PLEKHH1: variants seen among roughly 807,000 people sequenced by gnomAD.
The protein encoded by PLEKHH1 is pleckstrin homology, MyTH4 and FERM domain containing H1.
A neutral mutation model predicts 160.0 loss-of-function variants in PLEKHH1; 104 were observed. The observed-to-expected ratio is 0.65, with a 90% confidence interval of 0.55 to 0.76. PLEKHH1 has a LOEUF of 0.76. Ranked by LOEUF, PLEKHH1 falls within the 30% of genes least tolerant of loss-of-function variation. The pLI is 0.00. For synonymous variants in PLEKHH1, 619 were observed against 678.4 expected, an observed-to-expected ratio of 0.91 and a Z score of 1.36; for missense variants, 1,427 against 1,724.1, an observed-to-expected ratio of 0.83 and a Z score of 3.05.
chr14:67,562,099 G>A (rs751443016), intron 6 of PLEKHH1, 38 bp from the exon 7 acceptor site: 26 of 884,700 alleles, frequency 2.9e-5, no homozygotes, highest in Admixed American at 1.5e-4. Flanking sequence ...GCTGAGCTAC[G>A]GGAGCTCTCA....
chr14:67,558,020 C>G (rs1036697992), intron 4 of PLEKHH1, among the ~76,000 whole-genome samples: 17 of 152,228 alleles, frequency 1.1e-4, no homozygotes, highest in African/African-American at 4.1e-4. Flanking sequence ...CCAGGGTCTT[C>G]CCTTCTGAGC....
chr14:67,563,903 G>GT (rs71129836), intron 7 of PLEKHH1, among the ~76,000 whole-genome samples: 20 of 135,444 alleles, frequency 1.5e-4, no homozygotes, highest in South Asian at 4.8e-4. Flanking sequence ...CCGGCTAACT[G>GT]TTTTTTTTTT....
rs2035632501 is a variant in PLEKHH1 at position 67,576,591 on chromosome 14, C to G, written c.2461+88C>G. On this transcript the variant is annotated intron_variant, in intron 17 of 28. Coordinates refer to ENST00000329153, the MANE Select transcript of PLEKHH1 (RefSeq NM_020715.3). The surrounding 1 kb of genome is among the most constrained non-coding windows in gnomAD (Gnocchi z 4.0). ...AGATCCCAAAGAAAGCAGTGTTGTA[C>G]CCTGAAGCTGTTTTTAAAACATCTA... 2.9e-6 allele frequency: 2 copies of G among 683,364 alleles called. No individual in the cohort carries two copies. Among genetic ancestry groups the G allele is most frequent in the South Asian group, 1.8e-5 (1 of 57,036 alleles). 42.3% of individuals were successfully genotyped at this position (683,364 alleles called of 1,614,324 possible).
intron 7 of PLEKHH1, among the ~76,000 whole-genome samples, chr14:67,567,711 TG>T (rs1370596724): frequency 6.6e-6 from 1 of 152,042 alleles, no homozygotes; most frequent in Non-Finnish European, 1.5e-5. Context: ...CCCTCTGGGA[TG>T]ACACCCTGAT....
At chr14:67,581,881 A>G in intron 23 of PLEKHH1, 188 bp from the exon 24 acceptor site, 1 of 584,176 alleles carries the variant, frequency 1.7e-6, no homozygotes, top group Non-Finnish European at 3.0e-6. Context: ...GTATGAGATC[A>G]GCATGACCCT....
chr14:67,569,347 G>A (rs886935295), intron 8 of PLEKHH1, 131 bp downstream of exon 8: 1 of 620,950 alleles, frequency 1.6e-6, no homozygotes, highest in Admixed American at 3.0e-5. Flanking sequence ...TCCCCAGCAG[G>A]TGAAGTTCAG....
At chr14:67,548,095 C>T (rs1300731114) in intron 2 of PLEKHH1, among the ~76,000 whole-genome samples, 1 of 152,194 alleles carries the variant, frequency 6.6e-6, no homozygotes. Context: ...ACATCATTTT[C>T]CCTAGCTGTC....
chr14:67,562,663 T>G lies in PLEKHH1; in HGVS notation c.1032T>G (p.Arg344=). 1 of 1,612,654 alleles carries G rather than the reference T, an allele frequency of 6.2e-7. No homozygotes were observed. Among genetic ancestry groups the G allele is most frequent in the Non-Finnish European group, 8.5e-7 (1 of 1,179,388 alleles). ...QPQVGHGHFG[R]VVNIETEAFS... is the part of the protein sequence containing the mutation. ...AGGTGGGCCATGGGCACTTTGGCCGTGTGGTGAACATTGAGACTGAGGCCT... is the reference window on the plus strand; with the variant it reads ...AGGTGGGCCATGGGCACTTTGGCCGGGTGGTGAACATTGAGACTGAGGCCT... The change falls in exon 7 of 29, where the codon CGT becomes CGG. Residue 344 remains arginine, a synonymous_variant. Transcript: ENST00000329153.
chr14:67,542,324 T>A (rs2034002700), intron 2 of PLEKHH1, among the ~76,000 whole-genome samples: 1 of 152,148 alleles, frequency 6.6e-6, no homozygotes, highest in Admixed American at 6.6e-5. Context: ...AAGGACGGTG[T>A]TTCGGGAGAA....
chr14:67,556,006 C>CAA, intron 3 of PLEKHH1, 119 bp downstream of exon 3: 1 of 1,312,336 alleles, frequency 7.6e-7, no homozygotes, highest in Non-Finnish European at 1.1e-6. Flanking sequence ...TATACCTGAA[C>CAA]AAATGAGTGT....
chr14:67,586,846 A>G, intron 28 of PLEKHH1: 1 of 1,497,556 alleles, frequency 6.7e-7, no homozygotes, highest in Non-Finnish European at 8.9e-7. Context: ...TCCTTTTCTC[A>G]GAAGGGCACT....
chr14:67,585,703 G>A lies in PLEKHH1; in HGVS notation c.3786+49G>A, dbSNP rs765386990. On this transcript the variant is annotated intron_variant, in intron 27 of 28. Transcript: ENST00000329153. ...CCTGACCCCTCCTCTTCCTCAACAT[G>A]GTCTTTTCTTCTCCTCTGTGGACTC... The A allele has an allele frequency of 3.7e-6, 5 of 1,335,740 alleles. No homozygotes were observed. The South Asian group carries it at 5.1e-5, about 14-fold the overall frequency. The allele number at this position is 1,335,740 out of a possible 1,614,324, so 82.7% of individuals were successfully genotyped here. A position where few individuals can be genotyped will look rare whatever the true frequency, so the allele number is the denominator to read the frequency against.
Position 67,584,053 on chromosome 14 carries a change from G to A in PLEKHH1, c.3628G>A (p.Glu1210Lys). ...WATLQGCSPP[E>K]CIRIYLTVAR... ...AACATTGCAAGGATGCTCCCCTCCT[G>A]AGTGCATCCGCATCTACCTGACCGT... Residue 1210 changes from glutamate (E) to lysine (K), a missense_variant, in exon 26 of 29, where the codon GAG (glutamate) becomes AAG (lysine). Physicochemically the swap from Glu to Lys is moderately conservative, Grantham distance 56 (BLOSUM62 1). Transcript: ENST00000329153. The A allele has an allele frequency of 6.2e-7, 1 of 1,613,982 alleles. No homozygotes were observed. The highest frequency in any genetic ancestry group is 8.5e-7 in the Non-Finnish European group (1 of 1,179,886).
chr14:67,533,535 T>C (rs61988220), intron 1 of PLEKHH1, 137 bp downstream of exon 1: 14,142 of 151,156 alleles, frequency 0.094, 737 homozygotes, highest in East Asian at 0.15. Flanking sequence ...GGAAGCGAGC[T>C]CCCAGCGGCG....
chr14:67,562,174 C>T lies in PLEKHH1; in HGVS notation c.543C>T (p.Pro181=), dbSNP rs932950690. 1 of 1,611,438 alleles carries T rather than the reference C, an allele frequency of 6.2e-7. No individual in the cohort carries two copies. The highest frequency in any genetic ancestry group is 1.3e-5 in the African/African-American group (1 of 74,856). The change falls in exon 7 of 29, where the codon CCC becomes CCT. Residue 181 remains proline, a synonymous_variant. Transcript: ENST00000329153. Reference sequence around the variant, plus strand: ...CTCCTTCACGGAAGCTGCTGGTGCCCCCCTACGGAGCTGCAGAGCAGGATT... The same window carrying T: ...CTCCTTCACGGAAGCTGCTGGTGCCTCCCTACGGAGCTGCAGAGCAGGATT... ...QIAPSRKLLV[P]PYGAAEQDSV... is the part of the protein sequence containing the mutation.
intron 9 of PLEKHH1, 106 bp from the exon 10 acceptor site, chr14:67,571,646 G>C: frequency 1.8e-6 from 2 of 1,112,564 alleles, no homozygotes; most frequent in Non-Finnish European, 2.7e-6. Context: ...GTCCCGGCTG[G>C]GGGTTGGCCA....
At chr14:67,561,044 CT>C (rs1216196842) in intron 5 of PLEKHH1, among the ~76,000 whole-genome samples, 1 of 152,170 alleles carries the variant, frequency 6.6e-6, no homozygotes, top group Non-Finnish European at 1.5e-5. Flanking sequence ...AAACATACAT[CT>C]TTTCCTCTGT....
intron 2 of PLEKHH1, among the ~76,000 whole-genome samples, chr14:67,546,370 G>A (rs1224542644): frequency 6.6e-6 from 1 of 152,030 alleles, no homozygotes; most frequent in African/African-American, 2.4e-5. Context: ...ACAAGTGACA[G>A]GCAGATACAT....
At chr14:67,538,004 A>G (rs1044242608) in intron 1 of PLEKHH1, among the ~76,000 whole-genome samples, 1 of 152,238 alleles carries the variant, frequency 6.6e-6, no homozygotes, top group Non-Finnish European at 1.5e-5. Context: ...TATGAGTTTC[A>G]TAAGACTGGC....
Sources: gnomAD v4.1 joint callset for allele counts (sites outside exome capture counted in the v4.1 genomes callset) on GRCh38, gnomAD v4.1.1 for gene constraint, Gnocchi (gnomAD v3.1) non-coding constraint, MANE v1.5 for transcripts, NCBI Gene and HGNC (gene_info 2026-07-23, HGNC 2026-07-21) for gene names.